SLC12A1: variants seen among roughly 807,000 people sequenced by gnomAD.
The protein encoded by SLC12A1 is solute carrier family 12 member 1, also known as Na-K-2Cl cotransporter.
Under a neutral mutation model 130.4 loss-of-function variants are expected in SLC12A1, and 89 were observed. That is an observed-to-expected ratio of 0.68 (90% CI 0.58 to 0.81). The LOEUF is 0.81. Ranked by LOEUF, SLC12A1 falls within the 40% of genes least tolerant of loss-of-function variation. SLC12A1 has a pLI of 0.00. For missense variants in SLC12A1, 1,310 were observed against 1,336.4 expected, an observed-to-expected ratio of 0.98 and a Z score of 0.31; for synonymous variants, 499 against 460.0, an observed-to-expected ratio of 1.08 and a Z score of -1.09.
rs1358607121 is a variant in SLC12A1, at chr15:48,278,782, G to A, written c.2485+4129G>A. Among the ~76,000 whole-genome samples the A allele has an allele frequency of 2.6e-5, 4 of 152,212 alleles. No homozygotes were observed. The South Asian group carries it at 8.3e-4, about 32-fold the overall frequency. On this transcript the variant is annotated intron_variant, in intron 20 of 26. Transcript: ENST00000380993. ...ACACATTTGCTTTGTGTGTTATGTTGATCTCTTCAAGCTGAAAGATGTGAT... is the reference window on the plus strand; with the variant it reads ...ACACATTTGCTTTGTGTGTTATGTTAATCTCTTCAAGCTGAAAGATGTGAT...
intron 4 of SLC12A1, chr15:48,221,253 T>C (rs2041211663): frequency 2.9e-6 from 2 of 692,650 alleles, no homozygotes. Flanking sequence ...GAGTTTTAGG[T>C]ACACAGACAT....
chr15:48,296,277 C>CAT, intron 24 of SLC12A1, among the ~76,000 whole-genome samples: 1 of 152,248 alleles, frequency 6.6e-6, no homozygotes, highest in Middle Eastern at 3.4e-3. Context: ...TTTGACTACC[C>CAT]ATAAAACATC....
rs1462265341 is a variant in SLC12A1, at chr15:48,288,079, G to A, written c.2666G>A (p.Gly889Glu). 3 of 1,611,114 alleles carry A rather than the reference G, an allele frequency of 1.9e-6. No individual in the cohort carries two copies. Among genetic ancestry groups the A allele is most frequent in the Admixed American group, 1.7e-5 (1 of 59,588 alleles). ...SINTSQSMHV[G>E]EFNQKLVEAS... ...AACACAAGCCAGTCGATGCATGTGG[G>A]AGAGTTCAACCAGAAACTGGTGGAA... The change falls in exon 22 of 27, where the codon GGA (glycine) becomes GAA (glutamate). Residue 889 changes from glycine (G) to glutamate (E), a missense_variant. Coordinates refer to ENST00000380993, the MANE Select transcript of SLC12A1 (RefSeq NM_000338.3).
chr15:48,227,581 C>T (rs2141029057), intron 5 of SLC12A1: 1 of 201,590 alleles, frequency 5.0e-6, no homozygotes, highest in Non-Finnish European at 1.0e-5. Flanking sequence ...GGCCTCGGGG[C>T]TCACCCCAAA....
In SLC12A1 at chr15:48,246,331, C is replaced by G. The variant is rs75623986; in HGVS notation, c.1453-578C>G. ...ATAGAATTCCCCATCATCAAAGAAA[C>G]ATATGGCCACAAAGAACAGAGGGGA... On this transcript the variant is annotated intron_variant, in intron 11 of 26. Transcript: ENST00000380993. Among the ~76,000 whole-genome samples, 1,640 of 152,260 alleles carry G rather than the reference C, an allele frequency of 0.011. 41 individuals are homozygous for G. The East Asian group carries it at 0.11, about 10-fold the overall frequency.
chr15:48,262,039 T>C (rs2041780567), intron 17 of SLC12A1, among the ~76,000 whole-genome samples: 1 of 150,806 alleles, frequency 6.6e-6, no homozygotes, highest in African/African-American at 2.4e-5. Context: ...GTGATATTGT[T>C]ATTGTCAATA....
chr15:48,249,428 A>G, intron 13 of SLC12A1, 147 bp from the exon 14 acceptor site: 1 of 674,012 alleles, frequency 1.5e-6, no homozygotes. Flanking sequence ...ATGTATCCCC[A>G]AAGAAAAATG....
chr15:48,257,257 T>G (rs1011260186), intron 16 of SLC12A1, among the ~76,000 whole-genome samples: 2 of 152,112 alleles, frequency 1.3e-5, no homozygotes, highest in Admixed American at 6.5e-5. Context: ...CTGGCTGCTT[T>G]CACTGGCTGG....
At chr15:48,271,204 C>T (rs1322656079) in intron 19 of SLC12A1, among the ~76,000 whole-genome samples, 1 of 152,030 alleles carries the variant, frequency 6.6e-6, no homozygotes, top group Non-Finnish European at 1.5e-5. Flanking sequence ...AAGATTAAAA[C>T]TCTGCCTCAA....
chr15:48,300,374 A>G lies in SLC12A1; in HGVS notation c.3097-941A>G, dbSNP rs574695611. Among the ~76,000 whole-genome samples the G allele has an allele frequency of 3.3e-5, 5 of 152,204 alleles. No homozygotes were observed. The South Asian group carries it at 1.0e-3, about 32-fold the overall frequency. On this transcript the variant is annotated intron_variant, in intron 25 of 26. Transcript: ENST00000380993. Reference sequence around the variant, plus strand: ...AATCTTAGGATAAATGGGTTAATCAATTTAAAAGCTCTTCAGGTAGGATTT... The same window carrying G: ...AATCTTAGGATAAATGGGTTAATCAGTTTAAAAGCTCTTCAGGTAGGATTT...
At chr15:48,250,089 T>C (rs909710285) in intron 14 of SLC12A1, among the ~76,000 whole-genome samples, 1 of 152,194 alleles carries the variant, frequency 6.6e-6, no homozygotes, top group Non-Finnish European at 1.5e-5. Flanking sequence ...TTCCCATAAT[T>C]ACCTGCTGAG....
In SLC12A1 at chr15:48,234,903, C is replaced by A; in HGVS notation, c.1114C>A (p.Pro372Thr). The change falls in exon 9 of 27, where the codon CCA (proline) becomes ACA (threonine). Residue 372 changes from proline to threonine, a missense_variant. Pro to Thr is a conservative substitution (Grantham distance 38). Transcript: ENST00000380993. ...QASIFAENFGPRFTKGEGFFS... is the reference protein window; with the variant it reads ...QASIFAENFGTRFTKGEGFFS... ...ATCAATATTTGCAGAAAACTTTGGG[C>A]CACGCTTCACAAAGGGTGAAGGCTT... 6.2e-7 allele frequency: 1 copy of A among 1,613,716 alleles called. No individual in the cohort carries two copies. Among genetic ancestry groups the A allele is most frequent in the African/African-American group, 1.3e-5 (1 of 75,012 alleles).
At chr15:48,278,266 G>T (rs2141102612) in intron 20 of SLC12A1, among the ~76,000 whole-genome samples, 1 of 152,314 alleles carries the variant, frequency 6.6e-6, no homozygotes, top group African/African-American at 2.4e-5. Context: ...AAATATTTGA[G>T]CACTTATTAT....
At chr15:48,290,203 G>T (rs2042104771) in intron 23 of SLC12A1, among the ~76,000 whole-genome samples, 1 of 151,614 alleles carries the variant, frequency 6.6e-6, no homozygotes. Context: ...GGTCTATCCA[G>T]GGTCAGGATC....
intron 9 of SLC12A1, among the ~76,000 whole-genome samples, chr15:48,237,556 A>G (rs1001352507): frequency 6.6e-6 from 1 of 152,224 alleles, no homozygotes; most frequent in African/African-American, 2.4e-5. Context: ...AAGAAACTAC[A>G]AACAATGGCC....
At chr15:48,220,568 GA>G (rs2041198808) in intron 2 of SLC12A1, 65 bp from the exon 3 acceptor site, 4 of 1,464,340 alleles carry the variant, frequency 2.7e-6, no homozygotes, top group Non-Finnish European at 3.7e-6. Flanking sequence ...GATTTGCTTT[GA>G]AAAGTTTCAT....
At chr15:48,236,272 CT>C (rs2041439420) in intron 9 of SLC12A1, among the ~76,000 whole-genome samples, 1 of 152,076 alleles carries the variant, frequency 6.6e-6, no homozygotes, top group Admixed American at 6.5e-5. Flanking sequence ...AATGAAAATA[CT>C]GAACAAATAA....
At chr15:48,213,501 ATTT>A (rs1242909450) in intron 2 of SLC12A1, among the ~76,000 whole-genome samples, 5 of 131,258 alleles carry the variant, frequency 3.8e-5, no homozygotes, top group African/African-American at 6.0e-5. Flanking sequence ...TTCCTCTAGA[ATTT>A]TTTTTTTTTT....
chr15:48,247,247 T>A, intron 12 of SLC12A1, 90 bp from the exon 13 acceptor site: 2 of 1,362,642 alleles, frequency 1.5e-6, no homozygotes, highest in Non-Finnish European at 2.0e-6. Context: ...TATCACTTAA[T>A]CTTTCCCCAA....
Sources: gnomAD v4.1 joint callset for allele counts (sites outside exome capture counted in the v4.1 genomes callset) on GRCh38, gnomAD v4.1.1 for gene constraint, MANE v1.5 for transcripts, NCBI Gene and HGNC (gene_info 2026-07-23, HGNC 2026-07-21) for gene names.